SMAD9: variants seen among roughly 807,000 people sequenced by gnomAD.
SMAD9 encodes the protein MAD homolog 9.
Under a neutral mutation model 46.1 loss-of-function variants are expected in SMAD9, and 36 were observed. The observed-to-expected ratio is 0.78, with a 90% confidence interval of 0.60 to 1.03. SMAD9 has a LOEUF of 1.03. SMAD9 is among the 50% of genes least tolerant of loss of function. The pLI, the probability that SMAD9 is intolerant of heterozygous loss-of-function variation, is 0.00. For missense variants in SMAD9, 572 were observed against 599.8 expected (o/e 0.95, Z 0.48); for synonymous variants, 245 against 237.1 (o/e 1.03, Z -0.31).
At chr13:36,859,597 A>G (rs2058159862) in intron 5 of SMAD9, among the ~76,000 whole-genome samples, 2 of 152,178 alleles carry the variant, frequency 1.3e-5, no homozygotes, top group South Asian at 4.1e-4. Flanking sequence ...ACATGGTAAC[A>G]TCAGGAAGTT....
chr13:36,919,837 C>T (rs1215399757), intron 1 of SMAD9, among the ~76,000 whole-genome samples: 3 of 150,092 alleles, frequency 2.0e-5, no homozygotes, highest in Non-Finnish European at 3.0e-5. Flanking sequence ...CACCCCACCC[C>T]ACTCCACCCC....
At chr13:36,877,367 C>T (rs2058355226) in intron 2 of SMAD9, among the ~76,000 whole-genome samples, 1 of 152,062 alleles carries the variant, frequency 6.6e-6, no homozygotes, top group African/African-American at 2.4e-5. Flanking sequence ...AAACAAAAGA[C>T]ATGAAAAACT....
At chr13:36,905,076 T>G (rs375209300) in intron 1 of SMAD9, among the ~76,000 whole-genome samples, 1 of 152,182 alleles carries the variant, frequency 6.6e-6, no homozygotes, top group East Asian at 1.9e-4. Context: ...CATCTGGCAA[T>G]GCCTACAGAA....
chr13:36,920,004 G>A (rs1244345194), intron 1 of SMAD9, 112 bp downstream of exon 1: 3 of 150,084 alleles, frequency 2.0e-5, no homozygotes, highest in African/African-American at 4.9e-5. Flanking sequence ...AGGAGGGCAC[G>A]TCTTACCTGT....
chr13:36,881,200 G>A (rs1010325560), intron 1 of SMAD9, among the ~76,000 whole-genome samples: 1 of 152,146 alleles, frequency 6.6e-6, no homozygotes, highest in Non-Finnish European at 1.5e-5. Flanking sequence ...TTCCTCTTCT[G>A]TGAAATAGTT....
Position 36,845,095 on chromosome 13 carries a change from T to C in SMAD9, c.*3581A>G, listed in dbSNP as rs1237968714. 8.9e-6 allele frequency: 1 copy of C among 112,250 alleles called. No homozygotes were observed. Among genetic ancestry groups the C allele is most frequent in the East Asian group, 2.7e-4 (1 of 3,764 alleles). 7.0% of individuals were successfully genotyped at this position (112,250 alleles called of 1,614,324 possible). The stretch of plus-strand genomic sequence containing the variant: ...GTTATATTTTGCTTTATTTGTTGAA[T>C]ATATATGTGTGTGTGTGTGTATATA... On this transcript the variant is annotated 3_prime_UTR_variant, in exon 7 of 7. Coordinates refer to ENST00000379826, the MANE Select transcript of SMAD9 (RefSeq NM_001127217.3).
chr13:36,912,076 G>C (rs1486398530), intron 1 of SMAD9, among the ~76,000 whole-genome samples: 2 of 152,204 alleles, frequency 1.3e-5, no homozygotes, highest in African/African-American at 2.4e-5. Context: ...CAACTGCTTA[G>C]CTAGGAGTTG....
At chr13:36,917,329 C>A (rs1269615260) in intron 1 of SMAD9, among the ~76,000 whole-genome samples, 1 of 151,766 alleles carries the variant, frequency 6.6e-6, no homozygotes, top group African/African-American at 2.4e-5. Context: ...CATGGACATT[C>A]ACCAGGATAA....
At chr13:36,880,037 G>A (rs1429600861) in intron 1 of SMAD9, among the ~76,000 whole-genome samples, 162 bp from the exon 2 acceptor site, 1 of 152,186 alleles carries the variant, frequency 6.6e-6, no homozygotes, top group African/African-American at 2.4e-5. Flanking sequence ...ACTCCAGCCT[G>A]AGCAACAGAA....
At chr13:36,863,961 G>C (rs537158058) in intron 5 of SMAD9, among the ~76,000 whole-genome samples, 12 of 152,282 alleles carry the variant, frequency 7.9e-5, no homozygotes, top group African/African-American at 2.9e-4. Context: ...TTGCAGACAG[G>C]TTCCTAGAAC....
chr13:36,901,992 TTTTAA>T (rs1361306740), intron 1 of SMAD9, among the ~76,000 whole-genome samples: 1 of 152,248 alleles, frequency 6.6e-6, no homozygotes, highest in African/African-American at 2.4e-5. Flanking sequence ...GCATGCAAGT[TTTTAA>T]TTTTGATGAA....
intron 5 of SMAD9, 102 bp from the exon 6 acceptor site, chr13:36,853,777 G>T: frequency 8.6e-7 from 1 of 1,166,078 alleles, no homozygotes; most frequent in Non-Finnish European, 1.3e-6. Flanking sequence ...CCATCAGGTT[G>T]TCAGATCACT....
intron 1 of SMAD9, among the ~76,000 whole-genome samples, chr13:36,916,993 G>A (rs964598464): frequency 1.3e-5 from 2 of 152,014 alleles, no homozygotes; most frequent in African/African-American, 4.8e-5. Context: ...AGACCGGGAA[G>A]ATAAGCCTGG....
chr13:36,872,791 G>T lies in SMAD9; in HGVS notation c.537C>A (p.Asp179Glu). 6.2e-7 allele frequency: 1 copy of T among 1,614,130 alleles called. No homozygotes were observed. The highest frequency in any genetic ancestry group is 8.5e-7 in the Non-Finnish European group (1 of 1,180,032). The change falls in exon 3 of 7, where the codon GAC becomes GAA. Residue 179 changes from aspartate to glutamate, a missense_variant. Physicochemically the swap from Asp to Glu is conservative, Grantham distance 45. Transcript: ENST00000379826. Reference sequence around the variant, plus strand: ...CAGAGCACGGAGGCTGCTGGAAAGAGTCAGGATAGGTGGCGTTGTGTGGCA... The same window carrying T: ...CAGAGCACGGAGGCTGCTGGAAAGATTCAGGATAGGTGGCGTTGTGTGGCA... ...PLMPHNATYP[D>E]SFQQPPCSAL...
intron 1 of SMAD9, among the ~76,000 whole-genome samples, chr13:36,882,245 GTGTGTGTGTGTGTGTA>G (rs1294918937): frequency 6.3e-5 from 9 of 143,962 alleles, no homozygotes; most frequent in African/African-American, 2.7e-4. Context: ...GTGTGTGTGT[GTGTGTGTGTGTGTGTA>G]TGTGTGTGCG....
At position 36,846,188 on chromosome 13, in the gene SMAD9, G is replaced by GAT. The variant is rs1368585051; in HGVS notation, c.*2486_*2487dup. The GAT allele has an allele frequency of 6.6e-6, 1 of 151,786 alleles. No homozygotes were observed. Among genetic ancestry groups the GAT allele is most frequent in the African/African-American group, 2.4e-5 (1 of 41,326 alleles). 9.4% of individuals were successfully genotyped at this position (151,786 alleles called of 1,614,324 possible). A position where few individuals can be genotyped will look rare whatever the true frequency, so the allele number is the denominator to read the frequency against. ...TTAGATTAATTCTGTAAAGGTGTAA[G>GAT]ATTACCAGAGGAAGCCGGGCGCAGT... On this transcript the variant is annotated 3_prime_UTR_variant, in exon 7 of 7. Coordinates refer to ENST00000379826, the MANE Select transcript of SMAD9 (RefSeq NM_001127217.3).
chr13:36,911,895 A>G (rs2058664971), intron 1 of SMAD9, among the ~76,000 whole-genome samples: 1 of 151,984 alleles, frequency 6.6e-6, no homozygotes, highest in Non-Finnish European at 1.5e-5. Context: ...TTTAGTAGAG[A>G]TGGGGTTTCT....
chr13:36,857,396 G>GC (rs1348015988), intron 5 of SMAD9, among the ~76,000 whole-genome samples: 1 of 152,168 alleles, frequency 6.6e-6, no homozygotes, highest in Non-Finnish European at 1.5e-5. Flanking sequence ...CAGCCCTCAA[G>GC]CAAGTTCCAC....
chr13:36,881,184 C>T (rs1035156687), intron 1 of SMAD9, among the ~76,000 whole-genome samples: 2 of 152,210 alleles, frequency 1.3e-5, no homozygotes, highest in African/African-American at 4.8e-5. Context: ...TGAGGTCGAA[C>T]TGTATTTCCT....
Sources: allele counts gnomAD v4.1 joint callset (sites outside exome capture counted in the v4.1 genomes callset), GRCh38; gene constraint gnomAD v4.1.1; transcripts MANE v1.5; gene names NCBI Gene and HGNC (gene_info 2026-07-23, HGNC 2026-07-21).